The following CDH18 variants were observed in gnomAD, a reference collection of about 807,000 sequenced individuals.
The protein encoded by CDH18 is cadherin 18.
A neutral mutation model predicts 67.9 loss-of-function variants in CDH18; 31 were observed. That is an observed-to-expected ratio of 0.46 (90% CI 0.34 to 0.62). The LOEUF (loss-of-function observed/expected upper bound fraction) is 0.62. CDH18 is among the 20% of genes least tolerant of loss of function. The pLI is 0.01. For missense variants in CDH18, 890 were observed against 975.5 expected, an observed-to-expected ratio of 0.91 and a Z score of 1.17; for synonymous variants, 362 against 347.2, an observed-to-expected ratio of 1.04 and a Z score of -0.48.
At chr5:20,438,674 C>T (rs1749364190) in intron 1 of CDH18, among the ~76,000 whole-genome samples, 1 of 151,322 alleles carries the variant, frequency 6.6e-6, no homozygotes, top group South Asian at 2.1e-4. Flanking sequence ...TGGCTCATTT[C>T]ATATTATAAT....
chr5:19,475,192 G>GCACA lies in CDH18; in HGVS notation c.1883-1480_1883-1477dup, dbSNP rs34517461. Among the ~76,000 whole-genome samples the GCACA allele has an allele frequency of 5.1e-3, 741 of 146,288 alleles. 3 individuals are homozygous for GCACA. The highest frequency in any genetic ancestry group is 7.6e-3 in the African/African-American group (304 of 40,024). ...AAACGTGAATTTGAGATCAATAACA[G>GCACA]CACACACACACACACACACACACAC... On this transcript the variant is annotated intron_variant, in intron 12 of 12. Transcript: ENST00000382275.
chr5:19,971,865 AG>A (rs1798059412), intron 2 of CDH18, among the ~76,000 whole-genome samples: 1 of 151,820 alleles, frequency 6.6e-6, no homozygotes, highest in Non-Finnish European at 1.5e-5. Context: ...AAAAAGAGAG[AG>A]AGAGAGAGAA....
intron 1 of CDH18, among the ~76,000 whole-genome samples, chr5:20,418,242 ATTTTTTTTTT>A (rs58308147): frequency 7.2e-4 from 41 of 56,936 alleles, no homozygotes; most frequent in Non-Finnish European, 8.6e-4. Context: ...CTGCTGGCTA[ATTTTTTTTTT>A]TTTTTTTTTT....
intron 2 of CDH18, among the ~76,000 whole-genome samples, chr5:20,178,448 C>G (rs969076664): frequency 1.3e-4 from 20 of 151,770 alleles, no homozygotes; most frequent in African/African-American, 4.6e-4. Flanking sequence ...ATTTTCCTTT[C>G]CACTGCTAGC....
intron 1 of CDH18, among the ~76,000 whole-genome samples, chr5:20,440,996 T>C (rs763690664): frequency 1.3e-5 from 2 of 151,898 alleles, no homozygotes; most frequent in African/African-American, 2.4e-5. Context: ...TCATTTTGCA[T>C]GGAATGAAGA....
intron 2 of CDH18, among the ~76,000 whole-genome samples, chr5:19,882,435 A>C (rs1053655998): frequency 6.6e-6 from 1 of 152,120 alleles, no homozygotes; most frequent in Non-Finnish European, 1.5e-5. Context: ...AAAAAGTTTA[A>C]TTTTCTTAGG....
At chr5:19,602,460 A>AACACACAC (rs143426499) in intron 6 of CDH18, among the ~76,000 whole-genome samples, 3 of 150,698 alleles carry the variant, frequency 2.0e-5, no homozygotes, top group African/African-American at 4.9e-5. Context: ...AACACTGCAA[A>AACACACAC]ACACACACAC....
chr5:19,702,636 C>T (rs972113527), intron 5 of CDH18, among the ~76,000 whole-genome samples: 10 of 152,080 alleles, frequency 6.6e-5, no homozygotes, highest in South Asian at 2.1e-4. Context: ...TCTGTAGTGG[C>T]GTGCACCTGT....
chr5:20,455,322 C>T (rs1477261614), intron 1 of CDH18, among the ~76,000 whole-genome samples: 1 of 152,020 alleles, frequency 6.6e-6, no homozygotes, highest in African/African-American at 2.4e-5. Flanking sequence ...TAATTTGGAA[C>T]CATCACTTTG....
chr5:19,949,664 T>G (rs1795599619), intron 2 of CDH18, among the ~76,000 whole-genome samples: 1 of 152,118 alleles, frequency 6.6e-6, no homozygotes, highest in Non-Finnish European at 1.5e-5. Context: ...TTATGAAAAA[T>G]TTTTGCTAAA....
chr5:19,937,473 G>A (rs1456018848), intron 2 of CDH18, among the ~76,000 whole-genome samples: 1 of 151,372 alleles, frequency 6.6e-6, no homozygotes, highest in Non-Finnish European at 1.5e-5. Context: ...AGTAATATCT[G>A]CAGAAAATAA....
chr5:19,740,980 T>G (rs2150695800), intron 4 of CDH18, among the ~76,000 whole-genome samples: 1 of 152,108 alleles, frequency 6.6e-6, no homozygotes, highest in East Asian at 1.9e-4. Context: ...ATTGATCAAA[T>G]ATGTACATCT....
intron 1 of CDH18, among the ~76,000 whole-genome samples, chr5:20,435,704 C>G (rs188476475): frequency 6.6e-6 from 1 of 152,002 alleles, no homozygotes; most frequent in Non-Finnish European, 1.5e-5. Context: ...ACCTTGCTCC[C>G]ACATAATGCA....
intron 2 of CDH18, among the ~76,000 whole-genome samples, chr5:20,022,610 T>A (rs1288430938): frequency 1.3e-5 from 2 of 152,226 alleles, no homozygotes; most frequent in Non-Finnish European, 2.9e-5. Flanking sequence ...ATATTTTATA[T>A]ACGATATTAT....
intron 1 of CDH18, among the ~76,000 whole-genome samples, chr5:20,391,532 T>C (rs775135424): frequency 4.6e-5 from 7 of 152,108 alleles, no homozygotes; most frequent in Non-Finnish European, 8.8e-5. Context: ...GATTTCATGC[T>C]TAATATCTTA....
At chr5:20,222,031 G>C (rs549272713) in intron 2 of CDH18, among the ~76,000 whole-genome samples, 1 of 151,992 alleles carries the variant, frequency 6.6e-6, no homozygotes, top group South Asian at 2.1e-4. Flanking sequence ...ACCCTTACAC[G>C]TCACAAGAGT....
chr5:20,147,734 G>A (rs1032902467), intron 2 of CDH18, among the ~76,000 whole-genome samples: 6 of 151,896 alleles, frequency 4.0e-5, no homozygotes, highest in African/African-American at 1.2e-4. Flanking sequence ...TTCCTTTTCT[G>A]TTTGGAATAA....
intron 3 of CDH18, among the ~76,000 whole-genome samples, chr5:19,834,456 AT>A (rs35754716): frequency 0.55 from 82,859 of 150,648 alleles, 23,000 homozygotes; most frequent in Middle Eastern, 0.68. Context: ...TATTTTGTTA[AT>A]TTTTTTCAAA....
chr5:20,141,950 T>A (rs1750277190), intron 2 of CDH18, among the ~76,000 whole-genome samples: 2 of 151,890 alleles, frequency 1.3e-5, no homozygotes, highest in African/African-American at 4.8e-5. Context: ...TGAAAATAAA[T>A]TTTGAAAATG....
Sources: gnomAD v4.1 joint callset for allele counts (sites outside exome capture counted in the v4.1 genomes callset) on GRCh38, gnomAD v4.1.1 for gene constraint, MANE v1.5 for transcripts, NCBI Gene and HGNC (gene_info 2026-07-23, HGNC 2026-07-21) for gene names.